SPAG16: variants seen among roughly 807,000 people sequenced by gnomAD.
SPAG16 encodes the protein sperm-associated antigen 16 protein.
In SPAG16, 86 loss-of-function variants were observed where a neutral mutation model predicts 80.4. The ratio of observed to expected loss-of-function variants is 1.07; its 90% CI spans 0.90 to 1.28. SPAG16 has a LOEUF of 1.28. Among genes scored for constraint, SPAG16 ranks in the 50% most tolerant of loss-of-function variants. The probability of loss-of-function intolerance (pLI) is 0.00; values close to 1 mark genes in which losing one functional copy is unlikely to be tolerated. For missense variants in SPAG16, 870 were observed against 765.3 expected, an observed-to-expected ratio of 1.14 and a Z score of -1.61; for synonymous variants, 294 against 265.9, an observed-to-expected ratio of 1.11 and a Z score of -1.03.
intron 9 of SPAG16, chr2:213,422,339 C>CGG: frequency 1.4e-6 from 1 of 698,796 alleles, no homozygotes; most frequent in Admixed American, 2.0e-5. Context: ...CAGGCTTACA[C>CGG]AGATCCAGTG....
At chr2:213,908,104 AG>A (rs1351812309) in intron 11 of SPAG16, among the ~76,000 whole-genome samples, 3 of 152,220 alleles carry the variant, frequency 2.0e-5, no homozygotes, top group African/African-American at 7.2e-5. Context: ...TATATATTGC[AG>A]TATCACTCTG....
intron 15 of SPAG16, among the ~76,000 whole-genome samples, chr2:214,188,809 C>A (rs866646971): frequency 6.6e-6 from 1 of 152,124 alleles, no homozygotes; most frequent in Non-Finnish European, 1.5e-5. Context: ...AGCAACACAT[C>A]TATTTTTTAA....
In SPAG16 at chr2:214,216,407, C is replaced by T. The variant is rs761831848; in HGVS notation, c.1720+67141C>T. On this transcript the variant is annotated intron_variant, in intron 15 of 15. Transcript: ENST00000331683. ...CACGATCTCAGCTCACTGCAACCTC[C>T]GCCTGCCAGGATCCAGCGATTCCCC... is the stretch of plus-strand genomic sequence containing the variant. 3.3e-5 allele frequency among the ~76,000 whole-genome samples: 5 copies of T among 152,232 alleles called. No homozygotes were observed. The East Asian group carries it at 7.7e-4, about 24-fold the overall frequency.
At chr2:214,410,103 A>G (rs1383000877) in intron 15 of SPAG16, 37 bp from the exon 16 acceptor site, 4 of 1,604,888 alleles carry the variant, frequency 2.5e-6, no homozygotes, top group South Asian at 1.1e-5. Context: ...TAAAACTTTG[A>G]TTCATTCTCT....
At chr2:213,421,905 A>G (rs537346527) in intron 9 of SPAG16, among the ~76,000 whole-genome samples, 13 of 152,188 alleles carry the variant, frequency 8.5e-5, no homozygotes, top group African/African-American at 3.1e-4. Flanking sequence ...CTGGAAACGC[A>G]TTGGGCTGAC....
At chr2:214,319,200 C>CACACACACACACACACA (rs140486125) in intron 15 of SPAG16, among the ~76,000 whole-genome samples, 7 of 142,240 alleles carry the variant, frequency 4.9e-5, no homozygotes, top group Admixed American at 7.1e-5. Context: ...CACACACACA[C>CACACACACACACACACA]CACACACACA....
chr2:214,085,952 G>A (rs1276617001), intron 13 of SPAG16, among the ~76,000 whole-genome samples: 2 of 151,974 alleles, frequency 1.3e-5, no homozygotes, highest in Admixed American at 6.6e-5. Context: ...CACCATCTTC[G>A]CCCTCTGCCT....
chr2:214,150,976 A>G (rs1388769182), intron 15 of SPAG16, among the ~76,000 whole-genome samples: 1 of 152,064 alleles, frequency 6.6e-6, no homozygotes, highest in Non-Finnish European at 1.5e-5. Context: ...AAGCATAAGA[A>G]TCAGCAGTAG....
At chr2:214,342,720 C>T (rs1697791434) in intron 15 of SPAG16, among the ~76,000 whole-genome samples, 1 of 152,128 alleles carries the variant, frequency 6.6e-6, no homozygotes, top group Non-Finnish European at 1.5e-5. Flanking sequence ...AAATTGTCTT[C>T]TGTGAAACTG....
At chr2:213,634,935 C>G (rs1297488033) in intron 10 of SPAG16, among the ~76,000 whole-genome samples, 3 of 151,512 alleles carry the variant, frequency 2.0e-5, no homozygotes. Context: ...CATTATTTCA[C>G]TCATATATAT....
chr2:213,519,113 A>G (rs2075560894), intron 10 of SPAG16, among the ~76,000 whole-genome samples: 1 of 152,216 alleles, frequency 6.6e-6, no homozygotes, highest in African/African-American at 2.4e-5. Context: ...TACTATGCTC[A>G]CTACCCGAGT....
intron 13 of SPAG16, among the ~76,000 whole-genome samples, chr2:214,096,972 T>C (rs1190070578): frequency 6.6e-6 from 1 of 152,098 alleles, no homozygotes; most frequent in Non-Finnish European, 1.5e-5. Context: ...AAGGTTAAAA[T>C]TCCAAAGAAT....
intron 10 of SPAG16, among the ~76,000 whole-genome samples, chr2:213,781,583 C>G (rs1229554896): frequency 6.6e-6 from 1 of 152,100 alleles, no homozygotes; most frequent in East Asian, 1.9e-4. Flanking sequence ...TAGTCCTGCT[C>G]ACAACAGTAT....
At chr2:213,338,854 G>A (rs189015480) in intron 5 of SPAG16, among the ~76,000 whole-genome samples, 11 of 151,770 alleles carry the variant, frequency 7.2e-5, no homozygotes, top group Admixed American at 1.3e-4. Context: ...ACACACTGGC[G>A]CCTGTCAGGG....
At chr2:213,943,068 G>A (rs1302396295) in intron 12 of SPAG16, among the ~76,000 whole-genome samples, 1 of 152,148 alleles carries the variant, frequency 6.6e-6, no homozygotes, top group Non-Finnish European at 1.5e-5. Context: ...ACCAGGCACT[G>A]GATCTTCTGG....
At chr2:213,781,138 T>C (rs2069937223) in intron 10 of SPAG16, among the ~76,000 whole-genome samples, 1 of 152,204 alleles carries the variant, frequency 6.6e-6, no homozygotes, top group Non-Finnish European at 1.5e-5. Context: ...TGGTTGAGCA[T>C]GTCTTCCTCT....
At chr2:213,469,449 A>G (rs1362138028) in intron 9 of SPAG16, among the ~76,000 whole-genome samples, 1 of 152,002 alleles carries the variant, frequency 6.6e-6, no homozygotes, top group East Asian at 1.9e-4. Flanking sequence ...AGGAGGAAAT[A>G]CTTATGACAA....
chr2:214,274,815 T>C (rs555126178), intron 15 of SPAG16, among the ~76,000 whole-genome samples: 1 of 152,348 alleles, frequency 6.6e-6, no homozygotes, highest in Admixed American at 6.5e-5. Context: ...CCTTGTAAAA[T>C]GAGTTAGGGA....
chr2:213,928,027 T>C (rs78567680), intron 11 of SPAG16, among the ~76,000 whole-genome samples: 1,584 of 152,334 alleles, frequency 0.01, 35 homozygotes, highest in African/African-American at 0.035. Context: ...GTGAAGGGAC[T>C]AGCTGCCATT....
Sources: allele counts gnomAD v4.1 joint callset (sites outside exome capture counted in the v4.1 genomes callset), GRCh38; gene constraint gnomAD v4.1.1; transcripts MANE v1.5; gene names NCBI Gene and HGNC (gene_info 2026-07-23, HGNC 2026-07-21).